The following GJA3 variants were observed in gnomAD, a reference collection of about 807,000 sequenced individuals.
GJA3 encodes the protein gap junction protein alpha 3, also known as gap junction alpha-3 protein.
For missense variants in GJA3, 571 were observed against 620.3 expected (o/e 0.92, Z 0.84); for synonymous variants, 297 against 292.6 (o/e 1.02, Z -0.15).
intron 1 of GJA3, among the ~76,000 whole-genome samples, chr13:20,152,258 G>A (rs1958882708): frequency 6.6e-6 from 1 of 152,050 alleles, no homozygotes; most frequent in African/African-American, 2.4e-5. Flanking sequence ...CAGATGGGCC[G>A]GGCACCTGCA....
chr13:20,160,372 T>G (rs1333962762), intron 1 of GJA3, among the ~76,000 whole-genome samples: 1 of 152,240 alleles, frequency 6.6e-6, no homozygotes, highest in African/African-American at 2.4e-5. Flanking sequence ...ACCTTGTTTC[T>G]AAACAATCCC....
chr13:20,161,534 C>A (rs1250170911), upstream of GJA3, among the ~76,000 whole-genome samples: 1 of 152,250 alleles, frequency 6.6e-6, no homozygotes, highest in East Asian at 1.9e-4. Context: ...CGCCCGCCTG[C>A]AGCCGCCTGG....
intron 1 of GJA3, among the ~76,000 whole-genome samples, chr13:20,148,536 G>T (rs1247872450): frequency 6.6e-6 from 1 of 152,170 alleles, no homozygotes; most frequent in East Asian, 1.9e-4. Context: ...TGGGATTACA[G>T]GTGTGAGCCA....
chr13:20,157,213 G>A (rs1958911530), intron 1 of GJA3, among the ~76,000 whole-genome samples: 1 of 152,154 alleles, frequency 6.6e-6, no homozygotes, highest in Non-Finnish European at 1.5e-5. Context: ...GTGGCTTGGG[G>A]CAAGGGTAAG....
intron 1 of GJA3, among the ~76,000 whole-genome samples, chr13:20,153,209 C>T (rs1322221609): frequency 2.0e-5 from 3 of 152,052 alleles, no homozygotes; most frequent in Non-Finnish European, 4.4e-5. Flanking sequence ...GTCAAAATAA[C>T]AAAAGGAACA....
intron 1 of GJA3, among the ~76,000 whole-genome samples, chr13:20,146,325 C>T (rs1226090966): frequency 6.6e-6 from 1 of 152,176 alleles, no homozygotes; most frequent in Non-Finnish European, 1.5e-5. Context: ...GGGGTGACCT[C>T]ATGGGAAAGA....
intron 1 of GJA3, among the ~76,000 whole-genome samples, chr13:20,145,839 T>C (rs1958838890): frequency 6.6e-6 from 1 of 152,168 alleles, no homozygotes; most frequent in Non-Finnish European, 1.5e-5. Flanking sequence ...CCTGGTTTAA[T>C]GGCTGTCACC....
intron 1 of GJA3, among the ~76,000 whole-genome samples, chr13:20,151,176 G>A (rs1393752040): frequency 6.6e-6 from 1 of 152,104 alleles, no homozygotes; most frequent in Non-Finnish European, 1.5e-5. Flanking sequence ...GCAGGCGTGG[G>A]CAGAAGGTCT....
At chr13:20,144,400 C>T (rs970100703) in intron 1 of GJA3, among the ~76,000 whole-genome samples, 14 of 152,196 alleles carry the variant, frequency 9.2e-5, no homozygotes, top group Admixed American at 3.9e-4. Flanking sequence ...CACGCCCAGA[C>T]TCAGTCAGGG....
intron 1 of GJA3, among the ~76,000 whole-genome samples, chr13:20,145,854 C>T (rs575193325): frequency 6.6e-6 from 1 of 152,286 alleles, no homozygotes; most frequent in South Asian, 2.1e-4. Flanking sequence ...GTCACCTCTT[C>T]CCAACATCCC....
At chr13:20,150,806 G>C (rs1193148320) in intron 1 of GJA3, among the ~76,000 whole-genome samples, 1 of 152,156 alleles carries the variant, frequency 6.6e-6, no homozygotes, top group Non-Finnish European at 1.5e-5. Flanking sequence ...TGCTCAGCTG[G>C]GGCCTCTGAG....
intron 1 of GJA3, among the ~76,000 whole-genome samples, chr13:20,155,140 TG>T (rs1230032918): frequency 5.3e-5 from 8 of 152,230 alleles, no homozygotes; most frequent in Non-Finnish European, 1.0e-4. Flanking sequence ...ATTACAAGTG[TG>T]AGCCACCACG....
intron 1 of GJA3, among the ~76,000 whole-genome samples, chr13:20,158,931 A>AAAAAAAAAAAAAAAAAAAAAAAAAG (rs1555340275): frequency 1.3e-5 from 2 of 148,838 alleles, no homozygotes; most frequent in African/African-American, 5.0e-5. Context: ...AAAAAAAAAA[A>AAAAAAAAAAAAAAAAAAAAAAAAAG]AAAAAGAAAA....
intron 1 of GJA3, among the ~76,000 whole-genome samples, chr13:20,158,985 C>T (rs1958922110): frequency 6.8e-6 from 1 of 146,244 alleles, no homozygotes; most frequent in Non-Finnish European, 1.5e-5. Flanking sequence ...ACCTAGTTAT[C>T]ATGAGGAATT....
At chr13:20,156,432 AAGT>A (rs1209406757) in intron 1 of GJA3, among the ~76,000 whole-genome samples, 1 of 152,058 alleles carries the variant, frequency 6.6e-6, no homozygotes, top group Non-Finnish European at 1.5e-5. Flanking sequence ...TCATCCTCCC[AAGT>A]AGCTGGGATT....
intron 1 of GJA3, among the ~76,000 whole-genome samples, chr13:20,153,601 G>A (rs906192626): frequency 2.0e-5 from 3 of 152,082 alleles, no homozygotes; most frequent in African/African-American, 7.2e-5. Flanking sequence ...CTTGGACACA[G>A]GGTGGGGAAC....
In GJA3 at chr13:20,142,560, G is replaced by A. The variant is rs746584617; in HGVS notation, c.729C>T (p.Ser243=). ...GATCGGCTGTCCCCAGCGGGGCCTCGGAGGCGTCCGGGCCGAGGCGGCTGG... is the reference window on the plus strand; with the variant it reads ...GATCGGCTGTCCCCAGCGGGGCCTCAGAGGCGTCCGGGCCGAGGCGGCTGG... ...GVTSRLGPDA[S]EAPLGTADPP... The change falls in exon 2 of 2, where the codon TCC becomes TCT. Residue 243 remains serine (S), a synonymous_variant. Transcript: ENST00000241125. The A allele has an allele frequency of 4.4e-6, 7 of 1,584,608 alleles. No individual in the cohort carries two copies. In the South Asian group the frequency reaches 4.5e-5, roughly 10 times the overall value.
intron 1 of GJA3, among the ~76,000 whole-genome samples, chr13:20,144,951 C>T (rs1286333998): frequency 1.1e-4 from 16 of 152,306 alleles, no homozygotes; most frequent in African/African-American, 3.4e-4. Flanking sequence ...GAGGCTAAGG[C>T]GGAAGGATCA....
intron 1 of GJA3, among the ~76,000 whole-genome samples, chr13:20,146,359 C>G (rs1958842731): frequency 6.6e-6 from 1 of 152,208 alleles, no homozygotes; most frequent in African/African-American, 2.4e-5. Context: ...AAATGCCTAT[C>G]GTGCACCTGT....
Sources: allele counts gnomAD v4.1 joint callset (sites outside exome capture counted in the v4.1 genomes callset), GRCh38; gene constraint gnomAD v4.1.1; transcripts MANE v1.5; gene names NCBI Gene and HGNC (gene_info 2026-07-23, HGNC 2026-07-21).